ENTPD4: variants seen among roughly 807,000 people sequenced by gnomAD.
ENTPD4 encodes the protein Golgi UDPase.
Under a neutral mutation model 79.1 loss-of-function variants are expected in ENTPD4, and 60 were observed. The observed-to-expected ratio is 0.76, with a 90% CI of 0.62 to 0.94. The LOEUF (loss-of-function observed/expected upper bound fraction) is 0.94, where lower values mean the gene tolerates loss of function less well. Among genes scored for constraint, ENTPD4 ranks in the 40% least tolerant of loss-of-function variants. The pLI, the probability that ENTPD4 is intolerant of heterozygous loss-of-function variation, is 0.00. For synonymous variants in ENTPD4, 276 were observed against 292.0 expected (o/e 0.95, Z 0.56); for missense variants, 772 against 775.1 (o/e 1.00, Z 0.05).
Position 23,435,468 on chromosome 8 carries a change from C to T in ENTPD4, c.1384G>A (p.Ala462Thr), listed in dbSNP as rs762621524. 6.2e-7 allele frequency: 1 copy of T among 1,613,294 alleles called. No individual in the cohort carries two copies. Among genetic ancestry groups the T allele is most frequent in the South Asian group, 1.1e-5 (1 of 91,056 alleles). ...KFTKAAKDYC[A>T]TKWSILRERF... ...TCCCGCAAAATGGACCACTTTGTTG[C>T]ACAATAATCCTGAAAACAAATTCAC... Residue 462 changes from alanine to threonine, a missense_variant, in exon 11 of 13, where the codon GCA (alanine) becomes ACA (threonine). Ala to Thr is a moderately conservative substitution (Grantham distance 58). Transcript: ENST00000358689.
At chr8:23,445,723 T>C (rs1410083733) in intron 4 of ENTPD4, among the ~76,000 whole-genome samples, 1 of 152,228 alleles carries the variant, frequency 6.6e-6, no homozygotes, top group East Asian at 1.9e-4. Context: ...ACCTATTTAC[T>C]TGCCTGTCTC....
At chr8:23,450,552 A>G (rs1800840724) in intron 1 of ENTPD4, among the ~76,000 whole-genome samples, 1 of 152,170 alleles carries the variant, frequency 6.6e-6, no homozygotes, top group Non-Finnish European at 1.5e-5. Flanking sequence ...AGCGGTCTCT[A>G]TCTTTCCTCG....
At chr8:23,443,498 C>T (rs1446304673) in intron 6 of ENTPD4, among the ~76,000 whole-genome samples, 1 of 152,136 alleles carries the variant, frequency 6.6e-6, no homozygotes, top group South Asian at 2.1e-4. Flanking sequence ...TGATATTTCT[C>T]AGTGTATCAA....
In ENTPD4 at chr8:23,447,819, G is replaced by C. The variant is rs1176537973; in HGVS notation, c.273C>G (p.Ile91Met). The C allele has an allele frequency of 1.2e-6, 2 of 1,614,134 alleles. No individual in the cohort carries two copies. Among genetic ancestry groups the C allele is most frequent in the Non-Finnish European group, 1.7e-6 (2 of 1,179,988 alleles). ...DTNNPNVNYG[I>M]VVDCGSSGSR... is the part of the protein sequence containing the mutation. ...ACCCACTGCTACCACAGTCCACCAC[G>C]ATCCCATAGTTCACATTGGGGTTAT... Residue 91 changes from isoleucine (I) to methionine (M), a missense_variant, in exon 4 of 13, where the codon ATC becomes ATG. Physicochemically the swap from Ile to Met is conservative, Grantham distance 10. Coordinates refer to ENST00000358689, the MANE Select transcript of ENTPD4 (RefSeq NM_004901.5).
chr8:23,440,042 C>T (rs1265818073), intron 8 of ENTPD4, 127 bp from the exon 9 acceptor site: 5 of 686,308 alleles, frequency 7.3e-6, no homozygotes, highest in Non-Finnish European at 1.2e-5. Flanking sequence ...CCCAAGGACC[C>T]TTCTAAGCAT....
chr8:23,454,731 G>C (rs1012041337), intron 1 of ENTPD4, among the ~76,000 whole-genome samples: 2 of 151,994 alleles, frequency 1.3e-5, no homozygotes, highest in East Asian at 3.9e-4. Context: ...TTTGAGATAT[G>C]TGATGATTTT....
At position 23,431,077 on chromosome 8, in the gene ENTPD4, T is replaced by C. The variant is rs1800446300; in HGVS notation, c.*1849A>G. ...CTCAAGGATCAGATGCATTTTACCT[T>C]CCAGAGACGCAGGTTAAGCTGCACC... On this transcript the variant is annotated 3_prime_UTR_variant, in exon 13 of 13. Transcript: ENST00000358689. 1 of 714,980 alleles carries C rather than the reference T, an allele frequency of 1.4e-6. No homozygotes were observed. The highest frequency in any genetic ancestry group is 7.2e-4 in the Middle Eastern group (1 of 1,394). 44.3% of individuals were successfully genotyped at this position (714,980 alleles called of 1,614,324 possible). A position where few individuals can be genotyped will look rare whatever the true frequency, so the allele number is the denominator to read the frequency against.
intron 1 of ENTPD4, among the ~76,000 whole-genome samples, chr8:23,454,652 C>A (rs1031959899): frequency 6.6e-6 from 1 of 151,296 alleles, no homozygotes; most frequent in Non-Finnish European, 1.5e-5. Flanking sequence ...GGAAGGTGAC[C>A]GAGAGAATGA....
chr8:23,436,858 A>G, intron 10 of ENTPD4, 76 bp downstream of exon 10: 1 of 1,139,122 alleles, frequency 8.8e-7, no homozygotes, highest in Non-Finnish European at 1.3e-6. Context: ...GTCAATGTGA[A>G]AGGAGGACAT....
Position 23,429,587 on chromosome 8 carries a change from A to G in ENTPD4, c.*3339T>C. The G allele has an allele frequency of 5.1e-6, 5 of 985,412 alleles. No individual in the cohort carries two copies. The highest frequency in any genetic ancestry group is 6.0e-6 in the Non-Finnish European group (5 of 829,878). 61.0% of individuals were successfully genotyped at this position (985,412 alleles called of 1,614,324 possible). On this transcript the variant is annotated 3_prime_UTR_variant, in exon 13 of 13. Transcript: ENST00000358689. ...TTTTTAGTTTCTTGCTAAGTGATACATGCTCCTTATAAGGAAAACTACTCT... is the reference window on the plus strand; with the variant it reads ...TTTTTAGTTTCTTGCTAAGTGATACGTGCTCCTTATAAGGAAAACTACTCT...
Position 23,447,738 on chromosome 8 carries a change from C to T in ENTPD4, c.354G>A (p.Leu118=). 1.2e-6 allele frequency: 2 copies of T among 1,614,124 alleles called. No homozygotes were observed. The highest frequency in any genetic ancestry group is 1.7e-6 in the Non-Finnish European group (2 of 1,180,006). The change falls in exon 4 of 13, where the codon TTG becomes TTA. Residue 118 remains leucine, a synonymous_variant. Transcript: ENST00000358689. ...PRHNGNPHDL[L]DIRQMRDKNR... ...TTTTATCCCTCATTTGCCTGATATCCAACAGATCATGTGGATTGCCATTAT... is the reference window on the plus strand; with the variant it reads ...TTTTATCCCTCATTTGCCTGATATCTAACAGATCATGTGGATTGCCATTAT...
chr8:23,434,436 A>G lies in ENTPD4; in HGVS notation c.1503T>C (p.His501=), dbSNP rs1054406833. The G allele has an allele frequency of 6.2e-6, 10 of 1,614,050 alleles. 1 individual carries two copies. Among genetic ancestry groups the G allele is most frequent in the Non-Finnish European group, 5.1e-6 (6 of 1,180,042 alleles). The change falls in exon 12 of 13, where the codon CAT becomes CAC. Residue 501 remains histidine (H), a synonymous_variant. Transcript: ENST00000358689. ...AGTTGACAGGAAACGAAAAGCCCCT[A>G]TGAAACACCTCAAACATCCAGGCCG... ...FKSAWMFEVF[H]RGFSFPVNYK...
At chr8:23,448,686 A>T (rs1345573537) in intron 3 of ENTPD4, 56 bp downstream of exon 3, 1 of 1,432,178 alleles carries the variant, frequency 7.0e-7, no homozygotes, top group Admixed American at 1.7e-5. Context: ...AGCCTAAAAC[A>T]GGTAAGACAG....
chr8:23,429,287 G>A lies in ENTPD4; in HGVS notation c.*3639C>T. The A allele has an allele frequency of 1.0e-6, 1 of 985,398 alleles. No homozygotes were observed. Among genetic ancestry groups the A allele is most frequent in the African/African-American group, 1.7e-5 (1 of 57,342 alleles). 61.0% of individuals were successfully genotyped at this position (985,398 alleles called of 1,614,324 possible). ...GAGAGTATTATTCTTACTTTGGATG[G>A]AAGACATCGCTTAAACAAAAAACAT... On this transcript the variant is annotated 3_prime_UTR_variant, in exon 13 of 13. Transcript: ENST00000358689.
intron 1 of ENTPD4, among the ~76,000 whole-genome samples, chr8:23,451,022 C>CT (rs34914268): frequency 1.9e-3 from 235 of 126,866 alleles, no homozygotes; most frequent in Middle Eastern, 3.9e-3. Context: ...TTTTTCTTTT[C>CT]TTTTTTTTTT....
At position 23,431,591 on chromosome 8, in the gene ENTPD4, T is replaced by TG. The variant is rs758146573; in HGVS notation, c.*1334dup. Reference sequence around the variant, plus strand: ...TTCCCTTCTGGATTTACAGTGGTGCTGCCAGCAACAGCCTCAGTCAATGCG... The same window carrying TG: ...TTCCCTTCTGGATTTACAGTGGTGCTGGCCAGCAACAGCCTCAGTCAATGCG... On this transcript the variant is annotated 3_prime_UTR_variant, in exon 13 of 13. Transcript: ENST00000358689. The TG allele has an allele frequency of 8.2e-5, 81 of 985,330 alleles. No individual in the cohort carries two copies. Among genetic ancestry groups the TG allele is most frequent in the Non-Finnish European group, 9.2e-5 (76 of 829,944 alleles). The allele number at this position is 985,330 out of a possible 1,614,324, so 61.0% of individuals were successfully genotyped here.
chr8:23,440,002 A>C, intron 8 of ENTPD4, 87 bp from the exon 9 acceptor site: 1 of 1,112,458 alleles, frequency 9.0e-7, no homozygotes, highest in Non-Finnish European at 1.3e-6. Context: ...GTCTCATCTA[A>C]AAGGGACAAA....
rs372491459 is a variant in ENTPD4, at chr8:23,432,167, T to TA, written c.*758dup. ...TACAGTAACAGACCTGAACAATAAATAAAAAAAAAAATCACCCTCTTCAGG... is the reference window on the plus strand; with the variant it reads ...TACAGTAACAGACCTGAACAATAAATAAAAAAAAAAAATCACCCTCTTCAGG... On this transcript the variant is annotated 3_prime_UTR_variant, in exon 13 of 13. Coordinates refer to ENST00000358689, the MANE Select transcript of ENTPD4 (RefSeq NM_004901.5). The TA allele has an allele frequency of 7.2e-3, 5,640 of 782,414 alleles. 34 individuals carry two copies. Among genetic ancestry groups the TA allele is most frequent in the African/African-American group, 0.047 (2,476 of 52,352 alleles). 48.5% of individuals were successfully genotyped at this position (782,414 alleles called of 1,614,324 possible). A position where few individuals can be genotyped will look rare whatever the true frequency, so the allele number is the denominator to read the frequency against.
chr8:23,434,558 T>G, intron 11 of ENTPD4, 80 bp from the exon 12 acceptor site: 2 of 1,563,956 alleles, frequency 1.3e-6, no homozygotes, highest in Non-Finnish European at 8.7e-7. Flanking sequence ...CACACAATCC[T>G]TCCCTCTGTG....
Sources: allele counts gnomAD v4.1 joint callset (sites outside exome capture counted in the v4.1 genomes callset), GRCh38; gene constraint gnomAD v4.1.1; transcripts MANE v1.5; gene names NCBI Gene and HGNC (gene_info 2026-07-23, HGNC 2026-07-21).